The following ZNF160 variants were observed in gnomAD, a reference collection of about 807,000 sequenced individuals.
The protein encoded by ZNF160 is KRAB zinc finger protein KR18.
ZNF160 carries 9 observed loss-of-function variants against 13.1 expected under a neutral mutation model. The ratio of observed to expected loss-of-function variants is 0.69; its 90% CI spans 0.41 to 1.20. The LOEUF (loss-of-function observed/expected upper bound fraction) is 1.20, where lower values mean the gene tolerates loss of function less well. Ranked by LOEUF, ZNF160 falls within the 50% of genes most tolerant of loss-of-function variation. ZNF160 has a pLI of 0.01. For missense variants in ZNF160, 838 were observed against 988.0 expected, an observed-to-expected ratio of 0.85 and a Z score of 2.04; for synonymous variants, 293 against 333.2, an observed-to-expected ratio of 0.88 and a Z score of 1.31.
Position 53,086,461 on chromosome 19 carries a change from G to A in ZNF160, c.-45-140C>T, listed in dbSNP as rs1368012050. 9.8e-6 allele frequency: 6 copies of A among 610,374 alleles called. No homozygotes were observed. The East Asian group carries it at 1.2e-4, about 12-fold the overall frequency. The allele number at this position is 610,374 out of a possible 1,614,324, so 37.8% of individuals were successfully genotyped here. A position where few individuals can be genotyped will look rare whatever the true frequency, so the allele number is the denominator to read the frequency against. On this transcript the variant is annotated intron_variant, in intron 2 of 5. Coordinates refer to ENST00000683776, the MANE Select transcript of ZNF160 (RefSeq NM_001322131.2). ...ACCCTGTGGAAAGATGGTCCTCTGC[G>A]CCCCACTGCACCAGGGGGAATACGG...
intron 1 of ZNF160, among the ~76,000 whole-genome samples, chr19:53,097,438 T>TATACTTCATAAAGATCCCACAATCCCCAG (rs1384869652): frequency 5.0e-4 from 76 of 151,258 alleles, no homozygotes; most frequent in Middle Eastern, 3.4e-3. Flanking sequence ...ACACTCCCCA[T>TATACTTCATAAAGATCCCACAATCCCCAG]ATACTTCATA....
rs2084053486 is a variant in ZNF160, at chr19:53,068,769, C to T, written c.1765G>A (p.Gly589Arg). Residue 589 changes from glycine to arginine, a missense_variant, in exon 6 of 6, where the codon GGA (glycine) becomes AGA (arginine). Gly to Arg is a moderately radical substitution (Grantham distance 125, BLOSUM62 -2). Coordinates refer to ENST00000683776, the MANE Select transcript of ZNF160 (RefSeq NM_001322131.2). ...QLARHWRVHT[G>R]EKPYKCNDCG... Reference sequence around the variant, plus strand: ...TCATTACACTTGTAAGGTTTTTCTCCAGTATGAACTCTCCAATGCCTTGCA... The same window carrying T: ...TCATTACACTTGTAAGGTTTTTCTCTAGTATGAACTCTCCAATGCCTTGCA... The T allele has an allele frequency of 6.2e-7, 1 of 1,612,848 alleles. No homozygotes were observed. Among genetic ancestry groups the T allele is most frequent in the East Asian group, 2.2e-5 (1 of 44,846 alleles).
chr19:53,098,546 C>T (rs557398722), intron 1 of ZNF160, among the ~76,000 whole-genome samples: 3 of 151,654 alleles, frequency 2.0e-5, no homozygotes, highest in Admixed American at 6.6e-5. Flanking sequence ...ATTGAGCTGG[C>T]GGAGGATGTC....
chr19:53,087,553 T>A (rs987563146), intron 2 of ZNF160, among the ~76,000 whole-genome samples: 2 of 148,018 alleles, frequency 1.4e-5, no homozygotes, highest in Admixed American at 6.6e-5. Context: ...ATTTAAATAA[T>A]TAATTAATTA....
chr19:53,082,942 A>G lies in ZNF160; in HGVS notation c.15+3320T>C, dbSNP rs527482196. The stretch of plus-strand genomic sequence containing the variant: ...GTAACTCCCTCATTGGGTTCAATTA[A>G]TTTGCTAGACCTCACAGACCTCAGG... On this transcript the variant is annotated intron_variant, in intron 3 of 5. Coordinates refer to ENST00000683776, the MANE Select transcript of ZNF160 (RefSeq NM_001322131.2). Among the ~76,000 whole-genome samples the G allele has an allele frequency of 3.3e-5, 5 of 152,246 alleles. No individual in the cohort carries two copies. In the South Asian group the frequency reaches 1.0e-3, roughly 32 times the overall value.
chr19:53,086,616 C>G (rs545630354), intron 2 of ZNF160, among the ~76,000 whole-genome samples: 2 of 152,268 alleles, frequency 1.3e-5, no homozygotes, highest in African/African-American at 4.8e-5. Flanking sequence ...CTTTAGGACA[C>G]AGACCCAGCC....
At chr19:53,092,223 G>A (rs1440734141) in intron 1 of ZNF160, among the ~76,000 whole-genome samples, 1 of 152,102 alleles carries the variant, frequency 6.6e-6, no homozygotes, top group Non-Finnish European at 1.5e-5. Flanking sequence ...TAGAAAAAAA[G>A]CCTGTAAAAT....
At position 53,068,313 on chromosome 19, in the gene ZNF160, C is replaced by T. The variant is rs2084031630; in HGVS notation, c.2221G>A (p.Val741Ile). Residue 741 changes from valine to isoleucine, a missense_variant, in exon 6 of 6, where the codon GTC becomes ATC. This residue lies in a region of ZNF160 where 400 missense variants were observed against 538.9 expected (regional missense o/e 0.74). Coordinates refer to ENST00000683776, the MANE Select transcript of ZNF160 (RefSeq NM_001322131.2). The stretch of plus-strand genomic sequence containing the variant: ...GCCAGGTGAGCATTTTGAGTAAAGA[C>T]CTTGCCACATTCATTACATTTGTAA... ...KPYKCNECGK[V>I]FTQNAHLANH... is the part of the protein sequence containing the mutation. The T allele has an allele frequency of 6.2e-7, 1 of 1,614,018 alleles. No individual in the cohort carries two copies. Among genetic ancestry groups the T allele is most frequent in the Non-Finnish European group, 8.5e-7 (1 of 1,180,004 alleles).
intron 1 of ZNF160, among the ~76,000 whole-genome samples, chr19:53,092,962 T>G (rs2085089880): frequency 1.3e-5 from 2 of 152,216 alleles, no homozygotes; most frequent in African/African-American, 4.8e-5. Flanking sequence ...AGTTTCAGCA[T>G]GGACTTCCAT....
intron 2 of ZNF160, among the ~76,000 whole-genome samples, chr19:53,090,447 T>C (rs1194411770): frequency 6.6e-6 from 1 of 152,218 alleles, no homozygotes; most frequent in Non-Finnish European, 1.5e-5. Context: ...TCACTCCTTC[T>C]CAGTTTTTCT....
intron 1 of ZNF160, among the ~76,000 whole-genome samples, chr19:53,096,897 C>T (rs1449282083): frequency 3.3e-5 from 4 of 121,428 alleles, no homozygotes; most frequent in African/African-American, 6.8e-5. Flanking sequence ...CTAAATGTGA[C>T]CCCATTAGCT....
chr19:53,074,722 A>C (rs2084318955), intron 4 of ZNF160, among the ~76,000 whole-genome samples: 1 of 151,902 alleles, frequency 6.6e-6, no homozygotes, highest in Non-Finnish European at 1.5e-5. Context: ...AATACCCAGG[A>C]AACATGGTAC....
chr19:53,087,311 T>C (rs1256555352), intron 2 of ZNF160, among the ~76,000 whole-genome samples: 2 of 152,170 alleles, frequency 1.3e-5, no homozygotes, highest in African/African-American at 4.8e-5. Context: ...AAACATTCTT[T>C]CTCCCATACG....
intron 1 of ZNF160, among the ~76,000 whole-genome samples, chr19:53,097,556 C>CA (rs1238070560): frequency 1.3e-5 from 2 of 152,176 alleles, no homozygotes; most frequent in African/African-American, 2.4e-5. Context: ...CCCAGGAACT[C>CA]ACTGACCCAG....
chr19:53,067,088 T>G lies in ZNF160; in HGVS notation c.*989A>C, dbSNP rs1196760583. The G allele has an allele frequency of 6.6e-6, 1 of 152,190 alleles. No individual in the cohort carries two copies. The highest frequency in any genetic ancestry group is 1.5e-5 in the Non-Finnish European group (1 of 68,056). 9.4% of individuals were successfully genotyped at this position (152,190 alleles called of 1,614,324 possible). ...GAGCCACCGCGCCTGGCCTCTCTCT[T>G]CAATTTCAAAACAAGATCAATTTTT... On this transcript the variant is annotated 3_prime_UTR_variant, in exon 6 of 6. Coordinates refer to ENST00000683776, the MANE Select transcript of ZNF160 (RefSeq NM_001322131.2).
intron 1 of ZNF160, among the ~76,000 whole-genome samples, chr19:53,098,744 T>C (rs2085330351): frequency 6.6e-6 from 1 of 151,438 alleles, no homozygotes; most frequent in Non-Finnish European, 1.5e-5. Flanking sequence ...GCGCATCACC[T>C]GCTGGAAGGC....
intron 1 of ZNF160, among the ~76,000 whole-genome samples, chr19:53,100,178 A>G (rs1233844691): frequency 6.6e-6 from 1 of 152,234 alleles, no homozygotes; most frequent in Non-Finnish European, 1.5e-5. Context: ...CTGCTGGAAT[A>G]AGGTTTTGAG....
At chr19:53,102,178 C>T (rs1250313660) in intron 1 of ZNF160, among the ~76,000 whole-genome samples, 2 of 152,100 alleles carry the variant, frequency 1.3e-5, no homozygotes, top group African/African-American at 2.4e-5. Flanking sequence ...CCTCTTGTGG[C>T]GTTTTCTTTC....
chr19:53,086,545 T>C (rs329717), intron 2 of ZNF160, among the ~76,000 whole-genome samples: 136,894 of 152,044 alleles, frequency 0.9, 61,820 homozygotes, highest in African/African-American at 0.96. Context: ...AGAACCCACC[T>C]TCCTCCTGGA....
Sources: gnomAD v4.1 joint callset for allele counts (sites outside exome capture counted in the v4.1 genomes callset) on GRCh38, gnomAD v4.1.1 for gene constraint, gnomAD v4.1.1 regional missense constraint, MANE v1.5 for transcripts, NCBI Gene and HGNC (gene_info 2026-07-23, HGNC 2026-07-21) for gene names.